Variants in PRSS3 observed in about 807,000 individuals in gnomAD.
PRSS3 encodes serine protease 3, also known as trypsin-3.
In PRSS3, 14 loss-of-function variants were observed where a neutral mutation model predicts 20.8. The ratio of observed to expected loss-of-function variants is 0.67; its 90% CI spans 0.44 to 1.05. PRSS3 has a LOEUF of 1.05. Ranked by LOEUF, PRSS3 falls within the 50% of genes least tolerant of loss-of-function variation. PRSS3 has a pLI of 0.00. For missense variants in PRSS3, 237 were observed against 306.4 expected (o/e 0.77, Z 1.69); for synonymous variants, 91 against 117.6 (o/e 0.77, Z 1.46).
chr9:33,795,556 C>G, upstream of PRSS3: 4 of 1,614,164 alleles, frequency 2.5e-6, no homozygotes, highest in Non-Finnish European at 3.4e-6. Flanking sequence ...CACCACCAGT[C>G]AGGCACACTC....
intron 3 of PRSS3, 180 bp downstream of exon 3, chr9:33,798,262 A>T: frequency 7.4e-7 from 1 of 1,351,032 alleles, no homozygotes; most frequent in African/African-American, 1.4e-5. Flanking sequence ...GGCTCCTAAA[A>T]TCAAGAGATA....
intron 1 of PRSS3, among the ~76,000 whole-genome samples, chr9:33,752,889 G>T (rs191776537): frequency 1.3e-5 from 2 of 152,334 alleles, no homozygotes; most frequent in African/African-American, 4.8e-5. Flanking sequence ...CATTCTCCTT[G>T]CCAGGACTTA....
At chr9:33,795,806 C>A (rs865865285) in intron 1 of PRSS3, among the ~76,000 whole-genome samples, 193 bp downstream of exon 1, 1 of 152,260 alleles carries the variant, frequency 6.6e-6, no homozygotes, top group African/African-American at 2.4e-5. Flanking sequence ...ATTTCACTCC[C>A]ACCACTGTCA....
chr9:33,790,574 T>A (rs1824586986), upstream of PRSS3, among the ~76,000 whole-genome samples: 1 of 152,222 alleles, frequency 6.6e-6, no homozygotes, highest in South Asian at 2.1e-4. Context: ...AAAGAGACCC[T>A]TCCACTCTAC....
rs1181362888 is a variant in PRSS3, at chr9:33,750,966, G to T, written c.-53+239G>T. On this transcript the variant is annotated intron_variant, in intron 1 of 5. Coordinates refer to the PRSS3 transcript ENST00000342836. The surrounding 1 kb of genome is among the most constrained non-coding windows in gnomAD (Gnocchi z 4.8). ...GCCCTGGTGTCGCAGAAGCCCACCTGGGGCCCCCTCCGGGCTGCGGCACCG... is the reference window on the plus strand; with the variant it reads ...GCCCTGGTGTCGCAGAAGCCCACCTTGGGCCCCCTCCGGGCTGCGGCACCG... 3 of 1,021,488 alleles carry T rather than the reference G, an allele frequency of 2.9e-6. No homozygotes were observed. The highest frequency in any genetic ancestry group is 3.9e-6 in the Non-Finnish European group (3 of 776,914). The allele number at this position is 1,021,488 out of a possible 1,614,324, so 63.3% of individuals were successfully genotyped here.
chr9:33,790,044 C>T (rs10971704), intron 1 of PRSS3, among the ~76,000 whole-genome samples: 32,343 of 152,052 alleles, frequency 0.21, 4,156 homozygotes, highest in East Asian at 0.55. Flanking sequence ...GCTACCTAAA[C>T]GTATTTCTCA....
chr9:33,760,616 G>A (rs1823147478), intron 1 of PRSS3, among the ~76,000 whole-genome samples: 2 of 151,834 alleles, frequency 1.3e-5, no homozygotes, highest in Admixed American at 1.3e-4. Flanking sequence ...TGTGGTGGCG[G>A]GCGTCTATAG....
chr9:33,789,300 G>A (rs1328617206), intron 1 of PRSS3, among the ~76,000 whole-genome samples: 2 of 152,164 alleles, frequency 1.3e-5, no homozygotes, highest in Non-Finnish European at 2.9e-5. Flanking sequence ...TCAAGAAATT[G>A]GGGCGCTACA....
intron 1 of PRSS3, among the ~76,000 whole-genome samples, chr9:33,788,726 A>G (rs879409544): frequency 3.9e-5 from 6 of 152,224 alleles, no homozygotes; most frequent in Non-Finnish European, 7.3e-5. Context: ...TTAAATTGGT[A>G]TACCTGATTG....
chr9:33,757,703 C>T (rs1587368375), intron 1 of PRSS3, among the ~76,000 whole-genome samples: 2 of 152,114 alleles, frequency 1.3e-5, no homozygotes, highest in Admixed American at 1.3e-4. Flanking sequence ...AACTCCATCA[C>T]CCAGAATAGT....
upstream of PRSS3, chr9:33,795,497 A>G: frequency 6.3e-7 from 1 of 1,592,810 alleles, no homozygotes. Context: ...CCCTCACCTC[A>G]CAGACACCTC....
upstream of PRSS3, among the ~76,000 whole-genome samples, chr9:33,792,543 AG>A: frequency 6.6e-6 from 1 of 152,340 alleles, no homozygotes; most frequent in Admixed American, 6.5e-5. Flanking sequence ...CACCTCAGTG[AG>A]GGTGCACCAA....
chr9:33,756,123 TA>T (rs1822933963), intron 1 of PRSS3, among the ~76,000 whole-genome samples: 1 of 152,220 alleles, frequency 6.6e-6, no homozygotes, highest in Non-Finnish European at 1.5e-5. Context: ...TGTGCCCATT[TA>T]AGATGTCACT....
intron 3 of PRSS3, 183 bp downstream of exon 3, chr9:33,798,265 A>G (rs2119142920): frequency 7.5e-7 from 1 of 1,338,468 alleles, no homozygotes; most frequent in East Asian, 2.4e-5. Context: ...TCCTAAAATC[A>G]AGAGATAGGA....
At chr9:33,760,685 G>C (rs1823151610) in intron 1 of PRSS3, among the ~76,000 whole-genome samples, 1 of 149,474 alleles carries the variant, frequency 6.7e-6, no homozygotes, top group Non-Finnish European at 1.5e-5. Context: ...GGTGGAGGTT[G>C]CAGTGAGCCG....
At chr9:33,770,863 C>T (rs761694452) in intron 1 of PRSS3, among the ~76,000 whole-genome samples, 1 of 152,172 alleles carries the variant, frequency 6.6e-6, no homozygotes, top group Non-Finnish European at 1.5e-5. Flanking sequence ...ACCATTCAGC[C>T]ATCAAAAGGA....
At chr9:33,786,598 G>C (rs1824422698) in intron 1 of PRSS3, 7 of 766,286 alleles carry the variant, frequency 9.1e-6, no homozygotes, top group Non-Finnish European at 1.4e-5. Flanking sequence ...CCTCCATGAT[G>C]ATCCAGTGTC....
At chr9:33,786,799 C>G in intron 1 of PRSS3, 3 of 763,874 alleles carry the variant, frequency 3.9e-6, no homozygotes, top group Non-Finnish European at 7.2e-6. Context: ...GACCTGAAGA[C>G]AGCAGCATAT....
chr9:33,767,504 A>T (rs1307762641), intron 1 of PRSS3, among the ~76,000 whole-genome samples: 3 of 151,956 alleles, frequency 2.0e-5, no homozygotes, highest in African/African-American at 7.3e-5. Context: ...TTAGGACAGT[A>T]ATCCAATATG....
Sources: gnomAD v4.1 joint callset for allele counts (sites outside exome capture counted in the v4.1 genomes callset) on GRCh38, gnomAD v4.1.1 for gene constraint, Gnocchi (gnomAD v3.1) non-coding constraint, MANE v1.5 for transcripts, NCBI Gene and HGNC (gene_info 2026-07-23, HGNC 2026-07-21) for gene names.